FAM185A: variants seen among roughly 807,000 people sequenced by gnomAD.
FAM185A encodes the protein family with sequence similarity 185 member A.
Under a neutral mutation model 45.7 loss-of-function variants are expected in FAM185A, and 21 were observed. The observed-to-expected ratio is 0.46, with a 90% CI of 0.33 to 0.66. FAM185A has a LOEUF of 0.66. Ranked by LOEUF, FAM185A falls within the 30% of genes least tolerant of loss-of-function variation. The probability of loss-of-function intolerance (pLI) is 0.03; values close to 1 mark genes in which losing one functional copy is unlikely to be tolerated. For missense variants in FAM185A, 305 were observed against 485.4 expected, an observed-to-expected ratio of 0.63 and a Z score of 3.49; for synonymous variants, 117 against 194.0, an observed-to-expected ratio of 0.60 and a Z score of 3.30.
intron 2 of FAM185A, among the ~76,000 whole-genome samples, chr7:102,754,164 T>C (rs1377936149): frequency 1.3e-5 from 2 of 152,158 alleles, no homozygotes; most frequent in Non-Finnish European, 2.9e-5. Context: ...TTTCATTAAC[T>C]TAAGGACTTG....
At chr7:102,781,228 C>A (rs918363363) in intron 6 of FAM185A, among the ~76,000 whole-genome samples, 1 of 152,220 alleles carries the variant, frequency 6.6e-6, no homozygotes, top group African/African-American at 2.4e-5. Context: ...GTAGACTCCA[C>A]ATCTGGGGGC....
chr7:102,773,302 G>A (rs1794867024), intron 5 of FAM185A, among the ~76,000 whole-genome samples: 1 of 151,406 alleles, frequency 6.6e-6, no homozygotes, highest in Non-Finnish European at 1.5e-5. Flanking sequence ...GACAGGGTAA[G>A]AGTTCAGACT....
intron 4 of FAM185A, among the ~76,000 whole-genome samples, chr7:102,764,225 A>G (rs1794256436): frequency 6.7e-6 from 1 of 149,792 alleles, no homozygotes; most frequent in Non-Finnish European, 1.5e-5. Flanking sequence ...TTCAGCATAT[A>G]CAAGAGAGAA....
chr7:102,843,379 G>A, the FAM185A span, among the ~76,000 whole-genome samples: 2 of 152,136 alleles, frequency 1.3e-5, no homozygotes, highest in East Asian at 3.8e-4. Context: ...GGAGGCAGAG[G>A]TTGCAGTGAG....
the FAM185A span, among the ~76,000 whole-genome samples, chr7:102,819,672 T>C: frequency 2.6e-5 from 4 of 152,192 alleles, no homozygotes; most frequent in Admixed American, 6.5e-5. Flanking sequence ...TTCAAAGACA[T>C]TGAGCTTCTT....
At chr7:102,839,067 T>C in the FAM185A span, among the ~76,000 whole-genome samples, 1 of 152,252 alleles carries the variant, frequency 6.6e-6, no homozygotes, top group Non-Finnish European at 1.5e-5. Context: ...TGTTCAATTC[T>C]GAGATAGGAG....
intron 1 of FAM185A, among the ~76,000 whole-genome samples, chr7:102,751,287 T>C (rs569491942): frequency 1.3e-5 from 2 of 152,340 alleles, no homozygotes; most frequent in Admixed American, 1.3e-4. Flanking sequence ...TTACTTCAAA[T>C]ACCTGTGATA....
At chr7:102,781,431 T>C (rs985193162) in intron 6 of FAM185A, among the ~76,000 whole-genome samples, 1 of 152,146 alleles carries the variant, frequency 6.6e-6, no homozygotes. Flanking sequence ...GACTGACACC[T>C]CACACGGCCA....
the FAM185A span, among the ~76,000 whole-genome samples, chr7:102,826,333 G>A: frequency 6.6e-6 from 1 of 152,132 alleles, no homozygotes; most frequent in African/African-American, 2.4e-5. Flanking sequence ...ATCTAATGCA[G>A]TAAGAAATAA....
the FAM185A span, among the ~76,000 whole-genome samples, chr7:102,846,627 A>G: frequency 5.9e-5 from 9 of 152,012 alleles, no homozygotes; most frequent in African/African-American, 2.2e-4. Context: ...AAAAAAAAAA[A>G]AAAAATCTGA....
downstream of FAM185A, among the ~76,000 whole-genome samples, chr7:102,813,696 A>C (rs1236327159): frequency 6.6e-6 from 1 of 151,630 alleles, no homozygotes; most frequent in African/African-American, 2.4e-5. Context: ...GTGTACAAAT[A>C]AACAGGGTCC....
the FAM185A span, chr7:102,822,106 T>G: frequency 3.1e-6 from 5 of 1,614,118 alleles, no homozygotes; most frequent in Non-Finnish European, 3.4e-6. Flanking sequence ...CTGAAGGTCC[T>G]CAAGGATTTG....
chr7:102,829,254 T>A, the FAM185A span, among the ~76,000 whole-genome samples: 118 of 152,350 alleles, frequency 7.7e-4, no homozygotes, highest in Non-Finnish European at 1.1e-3. Flanking sequence ...TGTCACTTGC[T>A]GCCTATCTGT....
chr7:102,773,511 T>C (rs1485492991), intron 5 of FAM185A, among the ~76,000 whole-genome samples: 1 of 152,186 alleles, frequency 6.6e-6, no homozygotes, highest in African/African-American at 2.4e-5. Context: ...AAAGCTGCTA[T>C]GAATATATTA....
the FAM185A span, among the ~76,000 whole-genome samples, chr7:102,826,769 A>G: frequency 0.39 from 39,028 of 100,582 alleles, 8,895 homozygotes; most frequent in African/African-American, 0.59. Flanking sequence ...ATATATATAT[A>G]TATGTATATA....
chr7:102,841,989 C>T, the FAM185A span, among the ~76,000 whole-genome samples: 1 of 152,198 alleles, frequency 6.6e-6, no homozygotes, highest in Non-Finnish European at 1.5e-5. Flanking sequence ...TTTCCTCTCC[C>T]AATACCCTGT....
the FAM185A span, among the ~76,000 whole-genome samples, chr7:102,828,939 T>C: frequency 6.6e-6 from 1 of 152,276 alleles, no homozygotes; most frequent in East Asian, 1.9e-4. Flanking sequence ...CTCTCCCTTT[T>C]GTAGATTGTC....
the FAM185A span, among the ~76,000 whole-genome samples, chr7:102,835,596 T>C: frequency 6.9e-6 from 1 of 145,900 alleles, no homozygotes. Flanking sequence ...AGAAGTAAGG[T>C]GACATTGTTT....
At chr7:102,762,135 A>G (rs1794145799) in intron 4 of FAM185A, among the ~76,000 whole-genome samples, 1 of 152,226 alleles carries the variant, frequency 6.6e-6, no homozygotes, top group Admixed American at 6.5e-5. Flanking sequence ...CAACTCTGAT[A>G]CTAACTTTAT....
Sources: allele counts gnomAD v4.1 joint callset (sites outside exome capture counted in the v4.1 genomes callset), GRCh38; gene constraint gnomAD v4.1.1; transcripts MANE v1.5; gene names NCBI Gene and HGNC (gene_info 2026-07-23, HGNC 2026-07-21).